The following PRKG1 variants were observed in gnomAD, a reference collection of about 807,000 sequenced individuals.
The protein encoded by PRKG1 is cGMP-dependent protein kinase 1.
In PRKG1, 35 loss-of-function variants were observed where a neutral mutation model predicts 88.1. That is an observed-to-expected ratio of 0.40 (90% CI 0.30 to 0.53). The LOEUF (loss-of-function observed/expected upper bound fraction) is 0.53, where lower values mean the gene tolerates loss of function less well. PRKG1 is among the 20% of genes least tolerant of loss of function. The pLI, the probability that PRKG1 is intolerant of heterozygous loss-of-function variation, is 0.59. For synonymous variants in PRKG1, 303 were observed against 292.5 expected (o/e 1.04, Z -0.37); for missense variants, 540 against 839.8 (o/e 0.64, Z 4.41).
chr10:51,794,157 A>G (rs1272476343), intron 3 of PRKG1, among the ~76,000 whole-genome samples: 1 of 152,182 alleles, frequency 6.6e-6, no homozygotes, highest in Non-Finnish European at 1.5e-5. Flanking sequence ...GGATATAACA[A>G]TTGTAAATAT....
At chr10:52,244,830 AC>A (rs371964156) in intron 9 of PRKG1, among the ~76,000 whole-genome samples, 2 of 58,772 alleles carry the variant, frequency 3.4e-5, no homozygotes, top group South Asian at 1.1e-3. Flanking sequence ...ATTTAAATAT[AC>A]TTTAATATAT....
At chr10:51,828,186 G>A (rs574535123) in intron 4 of PRKG1, among the ~76,000 whole-genome samples, 63 of 152,032 alleles carry the variant, frequency 4.1e-4, no homozygotes, top group Middle Eastern at 3.2e-3. Flanking sequence ...GTTGTCAAAG[G>A]AGCTCAAATT....
intron 2 of PRKG1, among the ~76,000 whole-genome samples, chr10:51,260,375 T>A (rs2132157859): frequency 6.6e-6 from 1 of 152,302 alleles, no homozygotes; most frequent in African/African-American, 2.4e-5. Context: ...TTCTGACGAT[T>A]TTTTAGCATG....
intron 2 of PRKG1, among the ~76,000 whole-genome samples, chr10:51,258,332 A>G (rs1049619443): frequency 6.6e-6 from 1 of 152,236 alleles, no homozygotes; most frequent in South Asian, 2.1e-4. Flanking sequence ...TGGTTACCAG[A>G]TTCAAAGCAT....
chr10:51,891,992 T>C (rs1387190643), intron 4 of PRKG1, among the ~76,000 whole-genome samples: 1 of 152,204 alleles, frequency 6.6e-6, no homozygotes, highest in Non-Finnish European at 1.5e-5. Flanking sequence ...AGATAATGGC[T>C]GAATTTTATC....
At chr10:51,721,601 C>A (rs910588111) in intron 3 of PRKG1, among the ~76,000 whole-genome samples, 12 of 152,184 alleles carry the variant, frequency 7.9e-5, no homozygotes, top group Admixed American at 7.2e-4. Context: ...TATAAGGAGG[C>A]TCTCTTTAGT....
chr10:51,694,403 T>C lies in PRKG1; in HGVS notation c.593-110182T>C, dbSNP rs568925826. Among the ~76,000 whole-genome samples, 21 of 152,336 alleles carry C rather than the reference T, an allele frequency of 1.4e-4. No individual in the cohort carries two copies. In the South Asian group the frequency reaches 3.9e-3, roughly 29 times the overall value. On this transcript the variant is annotated intron_variant, in intron 3 of 17. Transcript: ENST00000373980. The stretch of plus-strand genomic sequence containing the variant: ...TTTCTACCATTAAAATTCTGAAAAG[T>C]GTAGTTGAAAAGCCAAACATAATCT...
At chr10:51,282,150 GA>G (rs1207531088) in intron 2 of PRKG1, among the ~76,000 whole-genome samples, 2 of 140,466 alleles carry the variant, frequency 1.4e-5, no homozygotes, top group Non-Finnish European at 3.2e-5. Context: ...GGAGGACAAA[GA>G]GAGTAAAACA....
intron 5 of PRKG1, among the ~76,000 whole-genome samples, chr10:51,922,676 T>A (rs997772786): frequency 1.3e-5 from 2 of 152,010 alleles, no homozygotes; most frequent in African/African-American, 2.4e-5. Flanking sequence ...TAAAAATGTG[T>A]TGTTTAATTT....
intron 1 of PRKG1, among the ~76,000 whole-genome samples, chr10:51,012,684 T>C (rs902547477): frequency 6.6e-6 from 1 of 152,228 alleles, no homozygotes; most frequent in Non-Finnish European, 1.5e-5. Flanking sequence ...AAGGGCACAA[T>C]AGTGCAAGTC....
chr10:51,768,082 A>G (rs2132539869), intron 3 of PRKG1, among the ~76,000 whole-genome samples: 1 of 152,268 alleles, frequency 6.6e-6, no homozygotes, highest in East Asian at 1.9e-4. Context: ...ATATCTTCAA[A>G]ATTGAATCCA....
At chr10:51,297,134 A>G (rs1476212724) in intron 2 of PRKG1, among the ~76,000 whole-genome samples, 1 of 152,066 alleles carries the variant, frequency 6.6e-6, no homozygotes, top group African/African-American at 2.4e-5. Context: ...TTATTTTAAG[A>G]TTCAGTGAAT....
At chr10:51,492,939 T>C (rs1840745667) in intron 3 of PRKG1, among the ~76,000 whole-genome samples, 1 of 152,132 alleles carries the variant, frequency 6.6e-6, no homozygotes, top group Non-Finnish European at 1.5e-5. Flanking sequence ...ATGTGGGAAA[T>C]GTGTTAAAAC....
At chr10:52,057,104 C>G (rs1288025140) in intron 6 of PRKG1, among the ~76,000 whole-genome samples, 1 of 152,130 alleles carries the variant, frequency 6.6e-6, no homozygotes, top group African/African-American at 2.4e-5. Context: ...CTGTTTCTTG[C>G]TACCACCAAA....
intron 2 of PRKG1, among the ~76,000 whole-genome samples, chr10:51,454,990 C>T (rs895195912): frequency 1.3e-5 from 2 of 152,206 alleles, no homozygotes; most frequent in Non-Finnish European, 2.9e-5. Flanking sequence ...TTCCAAAATT[C>T]GAAGTTTCAT....
In PRKG1 at chr10:51,997,346, C is replaced by T. The variant is rs532686770; in HGVS notation, c.763-57138C>T. Among the ~76,000 whole-genome samples the T allele has an allele frequency of 1.3e-3, 193 of 151,558 alleles. 1 individual carries two copies. The highest frequency in any genetic ancestry group is 2.4e-3 in the Non-Finnish European group (164 of 67,860). On this transcript the variant is annotated intron_variant, in intron 5 of 17. Coordinates refer to ENST00000373980, the MANE Select transcript of PRKG1 (RefSeq NM_006258.4). ...ATTAGCTGGGCGTGGTGGTGGGTGCCCGTAGTCCCAGCTACTCGGGAGGCT... is the reference window on the plus strand; with the variant it reads ...ATTAGCTGGGCGTGGTGGTGGGTGCTCGTAGTCCCAGCTACTCGGGAGGCT...
At chr10:52,195,155 G>A (rs1839471181) in intron 9 of PRKG1, among the ~76,000 whole-genome samples, 1 of 152,056 alleles carries the variant, frequency 6.6e-6, no homozygotes, top group East Asian at 1.9e-4. Context: ...TGGAAAGAGA[G>A]ATGTATGCAA....
intron 2 of PRKG1, among the ~76,000 whole-genome samples, chr10:51,378,807 G>A (rs548286512): frequency 1.3e-3 from 196 of 152,138 alleles, no homozygotes; most frequent in African/African-American, 4.3e-3. Context: ...CTCATGGGGG[G>A]ATTATATGAA....
chr10:52,261,722 T>C (rs1841438572), intron 10 of PRKG1, among the ~76,000 whole-genome samples: 1 of 152,090 alleles, frequency 6.6e-6, no homozygotes, highest in African/African-American at 2.4e-5. Flanking sequence ...AAATAAATCA[T>C]ATGATGTTAT....
Sources: gnomAD v4.1 joint callset for allele counts (sites outside exome capture counted in the v4.1 genomes callset) on GRCh38, gnomAD v4.1.1 for gene constraint, MANE v1.5 for transcripts, NCBI Gene and HGNC (gene_info 2026-07-23, HGNC 2026-07-21) for gene names.